ANKS1A: variants seen among roughly 807,000 people sequenced by gnomAD.
ANKS1A encodes the protein ankyrin repeat and sterile alpha motif domain containing 1A, also known as ankyrin repeat and SAM domain-containing protein 1A.
Under a neutral mutation model 120.3 loss-of-function variants are expected in ANKS1A, and 55 were observed. The observed-to-expected ratio is 0.46, with a 90% CI of 0.37 to 0.57. ANKS1A has a LOEUF of 0.57. Among genes scored for constraint, ANKS1A ranks in the 20% least tolerant of loss-of-function variants. ANKS1A has a pLI of 0.00. For missense variants in ANKS1A, 1,123 were observed against 1,480.3 expected, an observed-to-expected ratio of 0.76 and a Z score of 3.96; for synonymous variants, 590 against 604.7, an observed-to-expected ratio of 0.98 and a Z score of 0.36.
chr6:35,051,864 C>T (rs1471363564), intron 11 of ANKS1A, among the ~76,000 whole-genome samples: 1 of 152,214 alleles, frequency 6.6e-6, no homozygotes, highest in African/African-American at 2.4e-5. Context: ...TGGACTGGAG[C>T]ACTCAGAGGA....
At chr6:34,960,392 G>A (rs1032007078) in intron 1 of ANKS1A, among the ~76,000 whole-genome samples, 3 of 152,068 alleles carry the variant, frequency 2.0e-5, no homozygotes, top group Non-Finnish European at 4.4e-5. Flanking sequence ...AGCTCCATGA[G>A]GGCAGACTTT....
chr6:35,045,016 G>A, intron 11 of ANKS1A, among the ~76,000 whole-genome samples: 1 of 152,210 alleles, frequency 6.6e-6, no homozygotes, highest in Non-Finnish European at 1.5e-5. Flanking sequence ...ATGGCCCTGG[G>A]AAATGGCAGG....
At position 35,088,993 on chromosome 6, in the gene ANKS1A, G is replaced by A; in HGVS notation, c.*384G>A. 8.5e-7 allele frequency: 1 copy of A among 1,182,460 alleles called. No individual in the cohort carries two copies. The highest frequency in any genetic ancestry group is 1.1e-6 in the Non-Finnish European group (1 of 944,690). 73.2% of individuals were successfully genotyped at this position (1,182,460 alleles called of 1,614,324 possible). Reference sequence around the variant, plus strand: ...CCATGGGGCAGAGGACAGGGGAGCTGAGGTTGGTTCAGAGGCCAGCCTGCA... The same window carrying A: ...CCATGGGGCAGAGGACAGGGGAGCTAAGGTTGGTTCAGAGGCCAGCCTGCA... On this transcript the variant is annotated 3_prime_UTR_variant, in exon 24 of 24. Transcript: ENST00000360359.
chr6:35,060,006 C>G lies in ANKS1A; in HGVS notation c.2078-141C>G. 1 of 631,956 alleles carries G rather than the reference C, an allele frequency of 1.6e-6. No individual in the cohort carries two copies. The highest frequency in any genetic ancestry group is 2.9e-6 in the Non-Finnish European group (1 of 350,546). 39.1% of individuals were successfully genotyped at this position (631,956 alleles called of 1,614,324 possible). A position where few individuals can be genotyped will look rare whatever the true frequency, so the allele number is the denominator to read the frequency against. On this transcript the variant is annotated intron_variant, in intron 12 of 23. Coordinates refer to ENST00000360359, the MANE Select transcript of ANKS1A (RefSeq NM_015245.3). This position sits in a 1 kb window ranked among gnomAD's most constrained non-coding sequence, Gnocchi z 4.5. ...GAAGAGGAGCTGCGTGTCTGCTGCT[C>G]TCTGGTCTCTTGTATATAGTTTGGC...
At chr6:34,922,204 C>T (rs1768472721) in intron 1 of ANKS1A, among the ~76,000 whole-genome samples, 1 of 152,050 alleles carries the variant, frequency 6.6e-6, no homozygotes, top group African/African-American at 2.4e-5. Flanking sequence ...ATATTTTAAG[C>T]ACTGTGTTGA....
At chr6:35,028,289 C>T (rs1453724307) in intron 11 of ANKS1A, among the ~76,000 whole-genome samples, 1 of 152,116 alleles carries the variant, frequency 6.6e-6, no homozygotes, top group East Asian at 1.9e-4. Flanking sequence ...TGAAGAGTGC[C>T]GTGGAACTTG....
chr6:34,908,997 ATTC>A (rs965617143), intron 1 of ANKS1A, among the ~76,000 whole-genome samples: 2 of 152,228 alleles, frequency 1.3e-5, no homozygotes, highest in African/African-American at 4.8e-5. Flanking sequence ...AGACCAATGT[ATTC>A]TTACCTACAT....
Position 35,085,146 on chromosome 6 carries a change from G to C in ANKS1A, c.3133-620G>C, listed in dbSNP as rs56047826. 0.011 allele frequency among the ~76,000 whole-genome samples: 1,729 copies of C among 152,276 alleles called. 32 individuals carry two copies. The highest frequency in any genetic ancestry group is 0.039 in the African/African-American group (1,622 of 41,544). ...GCTTTGCTGCTTGCTGGCTGTGTGA[G>C]CTTGGAAACATCGCATCTGCCTGCT... On this transcript the variant is annotated intron_variant, in intron 21 of 23. Transcript: ENST00000360359. This position sits in a 1 kb window ranked among gnomAD's most constrained non-coding sequence, Gnocchi z 4.7.
intron 11 of ANKS1A, chr6:35,023,600 C>G: frequency 2.1e-6 from 1 of 479,470 alleles, no homozygotes; most frequent in Non-Finnish European, 4.3e-6. Flanking sequence ...AAACTGTAAC[C>G]AAAGGAGGCA....
intron 11 of ANKS1A, among the ~76,000 whole-genome samples, chr6:35,042,987 G>A (rs1216166698): frequency 6.6e-6 from 1 of 152,190 alleles, no homozygotes; most frequent in Admixed American, 6.5e-5. Context: ...TCTTTTGGAT[G>A]ACCTTGGATG....
At chr6:34,976,449 T>C (rs748882754) in intron 3 of ANKS1A, among the ~76,000 whole-genome samples, 44 of 152,172 alleles carry the variant, frequency 2.9e-4, no homozygotes, top group Non-Finnish European at 5.3e-4. Flanking sequence ...TTTCCCCCTC[T>C]TAACAATTCT....
intron 1 of ANKS1A, among the ~76,000 whole-genome samples, chr6:34,942,035 G>A (rs35528502): frequency 6.6e-6 from 1 of 152,196 alleles, no homozygotes; most frequent in Non-Finnish European, 1.5e-5. Flanking sequence ...CATTGTCCTA[G>A]TTGTAATCTT....
chr6:34,901,149 A>G (rs1767332762), intron 1 of ANKS1A, among the ~76,000 whole-genome samples: 1 of 152,202 alleles, frequency 6.6e-6, no homozygotes, highest in Non-Finnish European at 1.5e-5. Flanking sequence ...CAAAGTTTGT[A>G]CAGGGGAAGT....
chr6:34,891,656 T>TC (rs1485916904), intron 1 of ANKS1A, among the ~76,000 whole-genome samples: 1 of 151,192 alleles, frequency 6.6e-6, no homozygotes. Flanking sequence ...GGAGACGGAG[T>TC]CTCGCTCTGT....
At chr6:34,967,561 G>A (rs890381046) in intron 2 of ANKS1A, among the ~76,000 whole-genome samples, 12 of 151,508 alleles carry the variant, frequency 7.9e-5, no homozygotes, top group South Asian at 2.1e-4. Flanking sequence ...TTAATCAGGC[G>A]TGGTAGCATG....
At chr6:35,065,391 G>A (rs908896721) in intron 13 of ANKS1A, among the ~76,000 whole-genome samples, 3 of 152,190 alleles carry the variant, frequency 2.0e-5, no homozygotes, top group Non-Finnish European at 4.4e-5. Context: ...TTGACCAACT[G>A]CTCTTTAAAG....
At chr6:34,895,000 AAAAG>A (rs2127441825) in intron 1 of ANKS1A, among the ~76,000 whole-genome samples, 1 of 152,284 alleles carries the variant, frequency 6.6e-6, no homozygotes, top group Admixed American at 6.5e-5. Context: ...GAATAAAAGA[AAAAG>A]AAAACTATTC....
Position 35,090,703 on chromosome 6 carries a change from G to A in ANKS1A, c.*2094G>A, listed in dbSNP as rs767863830. On this transcript the variant is annotated 3_prime_UTR_variant, in exon 24 of 24. Transcript: ENST00000360359. The stretch of plus-strand genomic sequence containing the variant: ...AAGGTTATTATAACTTTAAGGACAG[G>A]CTTCAAGTGGGAAGGCCCCTACTTT... 2.0e-6 allele frequency: 2 copies of A among 987,950 alleles called. No homozygotes were observed. Among genetic ancestry groups the A allele is most frequent in the African/African-American group, 1.7e-5 (1 of 57,226 alleles). 61.2% of individuals were successfully genotyped at this position (987,950 alleles called of 1,614,324 possible).
chr6:34,912,192 A>G (rs1767938783), intron 1 of ANKS1A, among the ~76,000 whole-genome samples: 1 of 152,214 alleles, frequency 6.6e-6, no homozygotes, highest in African/African-American at 2.4e-5. Context: ...AGTTTATGTA[A>G]GTAACTATAA....
Sources: allele counts gnomAD v4.1 joint callset (sites outside exome capture counted in the v4.1 genomes callset), GRCh38; gene constraint gnomAD v4.1.1; non-coding constraint Gnocchi (gnomAD v3.1); transcripts MANE v1.5; gene names NCBI Gene and HGNC (gene_info 2026-07-23, HGNC 2026-07-21).